Variants in WDR7 observed in about 807,000 individuals in gnomAD.
The protein encoded by WDR7 is WD repeat domain 7.
Under a neutral mutation model 169.4 loss-of-function variants are expected in WDR7, and 46 were observed. That is an observed-to-expected ratio of 0.27 (90% confidence interval 0.21 to 0.35). WDR7 has a LOEUF of 0.35. WDR7 is among the 10% of genes least tolerant of loss of function. WDR7 has a pLI of 1.00. For synonymous variants in WDR7, 612 were observed against 666.8 expected (o/e 0.92, Z 1.27); for missense variants, 1,534 against 1,859.3 (o/e 0.83, Z 3.22).
chr18:56,828,416 A>T lies in WDR7; in HGVS notation c.3304+12272A>T, dbSNP rs537471303. Among the ~76,000 whole-genome samples, 7 of 152,276 alleles carry T rather than the reference A, an allele frequency of 4.6e-5. No homozygotes were observed. In the South Asian group the frequency reaches 1.5e-3, roughly 32 times the overall value. On this transcript the variant is annotated intron_variant, in intron 20 of 27. Coordinates refer to ENST00000254442, the MANE Select transcript of WDR7 (RefSeq NM_015285.3). ...GCTGAGTTCAGCCAATGGTGAAGTG[A>T]GGGGTAAAAAGGAGAGATAATGGAG...
At position 56,941,520 on chromosome 18, in the gene WDR7, C is replaced by T. The variant is rs570822843; in HGVS notation, c.4064+2127C>T. 5.5e-4 allele frequency among the ~76,000 whole-genome samples: 83 copies of T among 152,200 alleles called. 1 individual carries two copies. Among genetic ancestry groups the T allele is most frequent in the Admixed American group, 7.8e-4 (12 of 15,290 alleles). The stretch of plus-strand genomic sequence containing the variant: ...AAATGTTTGGCAGCACAGCAGTGTA[C>T]AGCAAGTTTGGTAAATGCTGTGTAG... On this transcript the variant is annotated intron_variant, in intron 25 of 27. Coordinates refer to ENST00000254442, the MANE Select transcript of WDR7 (RefSeq NM_015285.3).
chr18:56,744,344 T>C (rs1568170310), intron 14 of WDR7, among the ~76,000 whole-genome samples: 1 of 151,196 alleles, frequency 6.6e-6, no homozygotes, highest in Non-Finnish European at 1.5e-5. Flanking sequence ...GAGAGAGCAT[T>C]CCTAAAGCCT....
At chr18:56,660,874 A>C (rs1028803760) in intron 1 of WDR7, among the ~76,000 whole-genome samples, 3 of 152,190 alleles carry the variant, frequency 2.0e-5, no homozygotes, top group Non-Finnish European at 4.4e-5. Context: ...TGACCTTGTC[A>C]AGGGCAGTTT....
At chr18:56,975,248 G>C (rs934283290) in intron 26 of WDR7, among the ~76,000 whole-genome samples, 1 of 152,014 alleles carries the variant, frequency 6.6e-6, no homozygotes, top group Non-Finnish European at 1.5e-5. Flanking sequence ...GGGTAGTGGG[G>C]CAAAGGGATA....
At chr18:56,848,429 T>C (rs879007568) in intron 20 of WDR7, among the ~76,000 whole-genome samples, 1 of 152,192 alleles carries the variant, frequency 6.6e-6, no homozygotes, top group Non-Finnish European at 1.5e-5. Flanking sequence ...TTTGGGACTT[T>C]TGAGTTAATG....
intron 22 of WDR7, among the ~76,000 whole-genome samples, chr18:56,934,017 T>C (rs2046925202): frequency 6.6e-6 from 1 of 152,236 alleles, no homozygotes; most frequent in African/African-American, 2.4e-5. Context: ...GTGATTTTAT[T>C]GATTTTCCCA....
intron 20 of WDR7, among the ~76,000 whole-genome samples, chr18:56,831,878 G>C (rs546895190): frequency 6.7e-4 from 102 of 152,218 alleles, no homozygotes; most frequent in African/African-American, 2.4e-3. Context: ...ACACCACCAG[G>C]GCCCTGGGTT....
intron 14 of WDR7, 86 bp downstream of exon 14, chr18:56,731,683 A>G (rs1482968839): frequency 1.7e-6 from 2 of 1,194,314 alleles, no homozygotes; most frequent in African/African-American, 3.1e-5. Flanking sequence ...TTAGAAAATA[A>G]TTTTTGAGAA....
chr18:56,853,900 T>C (rs990503839), intron 20 of WDR7, among the ~76,000 whole-genome samples: 3 of 152,236 alleles, frequency 2.0e-5, no homozygotes, highest in African/African-American at 7.2e-5. Flanking sequence ...TTATGACTTA[T>C]TAATAATAAA....
intron 19 of WDR7, among the ~76,000 whole-genome samples, chr18:56,812,294 G>GA (rs1156729181): frequency 6.6e-6 from 1 of 152,180 alleles, no homozygotes; most frequent in Non-Finnish European, 1.5e-5. Context: ...TATAGAAATA[G>GA]AATCGATGTT....
Position 56,674,465 on chromosome 18 carries a change from C to G in WDR7, c.159+1791C>G, listed in dbSNP as rs889209823. ...AAACTGTCTATTCAGAGTCTTTGCC[C>G]ATTAAAAAAATTTTTAACTTAAAAT... On this transcript the variant is annotated intron_variant, in intron 2 of 27. Transcript: ENST00000254442. Among the ~76,000 whole-genome samples the G allele has an allele frequency of 7.9e-5, 12 of 152,064 alleles. No homozygotes were observed. The East Asian group carries it at 1.9e-3, about 24-fold the overall frequency.
chr18:56,709,102 CAT>C (rs917366170), intron 12 of WDR7, among the ~76,000 whole-genome samples: 1 of 152,072 alleles, frequency 6.6e-6, no homozygotes, highest in Non-Finnish European at 1.5e-5. Context: ...AGTAGAAAAA[CAT>C]AAGAAATATT....
chr18:56,911,614 T>C (rs2046553279), intron 21 of WDR7, among the ~76,000 whole-genome samples: 1 of 152,190 alleles, frequency 6.6e-6, no homozygotes, highest in African/African-American at 2.4e-5. Flanking sequence ...CTGGGGTCTT[T>C]GACTGTGTAT....
intron 27 of WDR7, among the ~76,000 whole-genome samples, chr18:57,025,598 A>AT (rs544767215): frequency 6.6e-4 from 101 of 152,138 alleles, no homozygotes; most frequent in Non-Finnish European, 1.0e-3. Flanking sequence ...TACACTAGTG[A>AT]TTTTTTTTCA....
intron 25 of WDR7, among the ~76,000 whole-genome samples, chr18:56,945,982 T>C (rs2047097720): frequency 6.6e-6 from 1 of 152,242 alleles, no homozygotes; most frequent in Non-Finnish European, 1.5e-5. Context: ...ATTCCAGAGA[T>C]ACACCATGAG....
At chr18:56,957,416 T>C (rs2047267795) in intron 25 of WDR7, 1 of 151,116 alleles carries the variant, frequency 6.6e-6, no homozygotes, top group African/African-American at 2.4e-5. Flanking sequence ...CCATTACTGA[T>C]GGTTCTTCTC....
chr18:56,929,689 G>A (rs1035553917), intron 22 of WDR7, among the ~76,000 whole-genome samples: 1 of 152,276 alleles, frequency 6.6e-6, no homozygotes, highest in East Asian at 1.9e-4. Flanking sequence ...CTTATGTGAG[G>A]AAATTTTTAA....
intron 26 of WDR7, among the ~76,000 whole-genome samples, chr18:56,975,099 G>A (rs1210471707): frequency 5.3e-5 from 8 of 152,130 alleles, no homozygotes; most frequent in African/African-American, 1.9e-4. Flanking sequence ...TTAGCCGGGT[G>A]TGGTGGCGGG....
At chr18:56,768,373 A>G (rs1392415688) in intron 16 of WDR7, among the ~76,000 whole-genome samples, 2 of 152,250 alleles carry the variant, frequency 1.3e-5, no homozygotes, top group Non-Finnish European at 2.9e-5. Context: ...AGAGCTACAT[A>G]GTAAAATACT....
Sources: allele counts gnomAD v4.1 joint callset (sites outside exome capture counted in the v4.1 genomes callset), GRCh38; gene constraint gnomAD v4.1.1; transcripts MANE v1.5; gene names NCBI Gene and HGNC (gene_info 2026-07-23, HGNC 2026-07-21).